MAGI1: variants seen among roughly 807,000 people sequenced by gnomAD.
The protein encoded by MAGI1 is membrane associated guanylate kinase, WW and PDZ domain containing 1, also known as membrane-associated guanylate kinase, WW and PDZ domain-containing protein 1.
A neutral mutation model predicts 139.9 loss-of-function variants in MAGI1; 58 were observed. The ratio of observed to expected loss-of-function variants is 0.41; its 90% CI spans 0.34 to 0.52. The LOEUF (loss-of-function observed/expected upper bound fraction) is 0.52, where lower values mean the gene tolerates loss of function less well. Ranked by LOEUF, MAGI1 falls within the 20% of genes least tolerant of loss-of-function variation. The pLI, the probability that MAGI1 is intolerant of heterozygous loss-of-function variation, is 0.12. For missense variants in MAGI1, 1,874 were observed against 1,901.6 expected, an observed-to-expected ratio of 0.99 and a Z score of 0.27; for synonymous variants, 812 against 737.9, an observed-to-expected ratio of 1.10 and a Z score of -1.63.
intron 1 of MAGI1, among the ~76,000 whole-genome samples, chr3:65,629,561 C>CA (rs57784561): frequency 0.062 from 8,851 of 142,914 alleles, 748 homozygotes; most frequent in African/African-American, 0.19. Flanking sequence ...GCTATTACAG[C>CA]AAAAAAAAAA....
chr3:65,704,416 A>G (rs950653), intron 1 of MAGI1, among the ~76,000 whole-genome samples: 143,993 of 152,222 alleles, frequency 0.95, 68,327 homozygotes, highest in Non-Finnish European at 0.98. Context: ...AGCTCAAATC[A>G]GGCTGGCTGT....
chr3:66,016,333 A>G (rs2067634585), intron 1 of MAGI1, among the ~76,000 whole-genome samples: 1 of 152,184 alleles, frequency 6.6e-6, no homozygotes, highest in African/African-American at 2.4e-5. Flanking sequence ...ACATGTACCC[A>G]AGGCCACATA....
intron 1 of MAGI1, among the ~76,000 whole-genome samples, chr3:65,766,208 T>A (rs1301496386): frequency 6.6e-6 from 1 of 152,120 alleles, no homozygotes; most frequent in Non-Finnish European, 1.5e-5. Context: ...TTGGGTAAAG[T>A]GGGGGATACC....
intron 1 of MAGI1, among the ~76,000 whole-genome samples, chr3:65,813,769 G>C (rs1205918400): frequency 6.6e-6 from 1 of 152,208 alleles, no homozygotes; most frequent in Non-Finnish European, 1.5e-5. Flanking sequence ...TTATAATAGG[G>C]AGATAATGGT....
At position 65,478,572 on chromosome 3, in the gene MAGI1, C is replaced by G; in HGVS notation, c.757+20G>C. 3.1e-6 allele frequency: 5 copies of G among 1,610,360 alleles called. No individual in the cohort carries two copies. Among genetic ancestry groups the G allele is most frequent in the Non-Finnish European group, 4.2e-6 (5 of 1,177,056 alleles). On this transcript the variant is annotated intron_variant, in intron 4 of 22. Coordinates refer to ENST00000402939, the MANE Select transcript of MAGI1 (RefSeq NM_001033057.2). ...ATCCCTTCCCCAGGTCCATTGAGGG[C>G]AACATGATCTGACCTTTACCTGTAA...
At chr3:65,629,478 T>C (rs1183604673) in intron 1 of MAGI1, among the ~76,000 whole-genome samples, 1 of 151,244 alleles carries the variant, frequency 6.6e-6, no homozygotes, top group Non-Finnish European at 1.5e-5. Flanking sequence ...CACAATTTCT[T>C]CAAAAAAATG....
At chr3:65,632,905 G>A (rs964683924) in intron 1 of MAGI1, among the ~76,000 whole-genome samples, 4 of 152,088 alleles carry the variant, frequency 2.6e-5, no homozygotes, top group African/African-American at 7.2e-5. Context: ...GGTGTTCCTT[G>A]TCTCCCAGGT....
At chr3:65,619,068 A>T (rs1295770855) in intron 2 of MAGI1, among the ~76,000 whole-genome samples, 2 of 152,236 alleles carry the variant, frequency 1.3e-5, no homozygotes, top group Non-Finnish European at 2.9e-5. Context: ...GAATAATAAT[A>T]ACTGTAACAA....
At chr3:65,413,286 C>T (rs947458690) in intron 12 of MAGI1, among the ~76,000 whole-genome samples, 6 of 152,152 alleles carry the variant, frequency 3.9e-5, no homozygotes, top group Non-Finnish European at 8.8e-5. Context: ...GCAACAGAGG[C>T]CATGCCTGGT....
chr3:65,410,039 C>G (rs1945661224), intron 12 of MAGI1, among the ~76,000 whole-genome samples: 3 of 152,274 alleles, frequency 2.0e-5, no homozygotes, highest in African/African-American at 7.2e-5. Context: ...CCTTTCACCT[C>G]AAAGTCACAA....
chr3:65,451,461 C>T (rs1474371536), intron 6 of MAGI1, among the ~76,000 whole-genome samples: 1 of 152,016 alleles, frequency 6.6e-6, no homozygotes, highest in East Asian at 1.9e-4. Flanking sequence ...AGTCATTATC[C>T]AAAATGGTTA....
intron 2 of MAGI1, among the ~76,000 whole-genome samples, chr3:65,533,465 T>G (rs2078811474): frequency 1.3e-5 from 2 of 152,336 alleles, no homozygotes; most frequent in South Asian, 4.1e-4. Flanking sequence ...ATCCATTTCT[T>G]AAACACACTG....
At chr3:65,565,193 T>C (rs753905257) in intron 2 of MAGI1, among the ~76,000 whole-genome samples, 10 of 152,342 alleles carry the variant, frequency 6.6e-5, no homozygotes, top group South Asian at 6.2e-4. Context: ...GTGCATGATT[T>C]AAGACATCTT....
intron 1 of MAGI1, among the ~76,000 whole-genome samples, chr3:65,659,998 A>G (rs1012689506): frequency 2.6e-5 from 4 of 152,236 alleles, no homozygotes; most frequent in Non-Finnish European, 4.4e-5. Context: ...AGTTGGCCAC[A>G]TAGAAAGCAC....
intron 1 of MAGI1, among the ~76,000 whole-genome samples, chr3:66,023,514 A>T (rs1264669039): frequency 2.6e-5 from 4 of 152,222 alleles, no homozygotes; most frequent in Admixed American, 1.3e-4. Context: ...CAGGAAAGCA[A>T]GAAGGGCTAC....
intron 1 of MAGI1, among the ~76,000 whole-genome samples, chr3:65,642,644 C>A (rs144065517): frequency 1.3e-5 from 2 of 152,148 alleles, no homozygotes; most frequent in Admixed American, 6.6e-5. Flanking sequence ...AAATCGGTTA[C>A]ATTTTCTATC....
intron 12 of MAGI1, among the ~76,000 whole-genome samples, chr3:65,410,763 T>A (rs560738151): frequency 6.6e-6 from 1 of 150,640 alleles, no homozygotes; most frequent in African/African-American, 2.5e-5. Context: ...CCTAAATCAC[T>A]GGTCATTCAA....
At chr3:65,918,433 T>G (rs2062013447) in intron 1 of MAGI1, among the ~76,000 whole-genome samples, 1 of 139,884 alleles carries the variant, frequency 7.1e-6, no homozygotes, top group African/African-American at 2.8e-5. Context: ...CAGGCTGGAG[T>G]GCAATGGCGC....
chr3:65,608,145 A>C (rs1265282548), intron 2 of MAGI1, among the ~76,000 whole-genome samples: 2 of 152,192 alleles, frequency 1.3e-5, no homozygotes, highest in African/African-American at 4.8e-5. Context: ...CAATCCGATT[A>C]AAAAGACAAA....
Sources: gnomAD v4.1 joint callset for allele counts (sites outside exome capture counted in the v4.1 genomes callset) on GRCh38, gnomAD v4.1.1 for gene constraint, MANE v1.5 for transcripts, NCBI Gene and HGNC (gene_info 2026-07-23, HGNC 2026-07-21) for gene names.